SACS: variants seen among roughly 807,000 people sequenced by gnomAD.
The protein encoded by SACS is sacsin.
In SACS, 197 loss-of-function variants were observed where a neutral mutation model predicts 348.0. The ratio of observed to expected loss-of-function variants is 0.57; its 90% CI spans 0.50 to 0.64. The LOEUF (loss-of-function observed/expected upper bound fraction) is 0.64, where lower values mean the gene tolerates loss of function less well. Ranked by LOEUF, SACS falls within the 30% of genes least tolerant of loss-of-function variation. SACS has a pLI of 0.00. For synonymous variants in SACS, 1,985 were observed against 1,910.6 expected (o/e 1.04, Z -1.02); for missense variants, 4,999 against 5,360.8 (o/e 0.93, Z 2.11).
At chr13:23,342,231 A>C (rs1869303749) in intron 9 of SACS, among the ~76,000 whole-genome samples, 1 of 152,260 alleles carries the variant, frequency 6.6e-6, no homozygotes, top group Non-Finnish European at 1.5e-5. Flanking sequence ...TTCTGCCTGG[A>C]AAATGCTTAT....
At chr13:23,397,828 C>T (rs912641990) in intron 2 of SACS, among the ~76,000 whole-genome samples, 14 of 152,170 alleles carry the variant, frequency 9.2e-5, no homozygotes, top group African/African-American at 3.4e-4. Flanking sequence ...ATTCTGAGAA[C>T]ATATGCCCAG....
intron 2 of SACS, among the ~76,000 whole-genome samples, chr13:23,403,109 T>A (rs147491436): frequency 0.011 from 1,321 of 116,056 alleles, 16 homozygotes; most frequent in African/African-American, 0.04. Context: ...ACCCAGAAGG[T>A]GGAGGTTGCA....
chr13:23,387,977 A>T (rs920787922), intron 2 of SACS, among the ~76,000 whole-genome samples: 1 of 152,202 alleles, frequency 6.6e-6, no homozygotes, highest in Non-Finnish European at 1.5e-5. Context: ...GGTGAAAAGG[A>T]ACACTTACAC....
chr13:23,401,654 C>T (rs1872982426), intron 2 of SACS, among the ~76,000 whole-genome samples: 1 of 152,202 alleles, frequency 6.6e-6, no homozygotes, highest in South Asian at 2.1e-4. Flanking sequence ...ACAAAATTTC[C>T]TTGTCAAATA....
chr13:23,338,785 G>C lies in SACS; in HGVS notation c.5091C>G (p.Tyr1697Ter), dbSNP rs1868910034. The C allele has an allele frequency of 6.2e-7, 1 of 1,611,260 alleles. No homozygotes were observed. The highest frequency in any genetic ancestry group is 8.5e-7 in the Non-Finnish European group (1 of 1,179,342). Residue 1697 changes from tyrosine (Y) to a stop codon, truncating the protein, a stop_gained, in exon 10 of 10, where the codon TAC (tyrosine) becomes TAG (stop). Transcript: ENST00000382292. LOFTEE classifies it high-confidence loss of function. ...TGGGGTTGGTTTCCTCAATTTTCAA[G>C]TACTTCAAATACATTGACTTTACAC... ...TQSVKSMYLK[Y>*]LKIEETNPSL... is the part of the protein sequence containing the mutation.
At chr13:23,353,905 A>G in intron 8 of SACS, 29 bp from the exon 9 acceptor site, 1 of 1,200,998 alleles carries the variant, frequency 8.3e-7, no homozygotes, top group South Asian at 1.2e-5. Context: ...AGCAATCATC[A>G]TAATCTTCCC....
At position 23,336,722 on chromosome 13, in the gene SACS, A is replaced by T; in HGVS notation, c.7154T>A (p.Leu2385His). The T allele has an allele frequency of 6.2e-7, 1 of 1,613,886 alleles. No homozygotes were observed. Among genetic ancestry groups the T allele is most frequent in the Non-Finnish European group, 8.5e-7 (1 of 1,179,878 alleles). ...CTGCCTCACACCCACGGTTTCAAAAAGTTCGCGGAAATTATTTTTATACTT... is the reference window on the plus strand; with the variant it reads ...CTGCCTCACACCCACGGTTTCAAAATGTTCGCGGAAATTATTTTTATACTT... Reference protein sequence around the residue: ...PNKYKNNFRELFETVGVRQSC... With the variant: ...PNKYKNNFREHFETVGVRQSC... Residue 2385 changes from leucine to histidine, a missense_variant, in exon 10 of 10, where the codon CTT becomes CAT. Leu to His is a moderately conservative substitution (Grantham distance 99). Coordinates refer to ENST00000382292, the MANE Select transcript of SACS (RefSeq NM_014363.6).
Position 23,334,032 on chromosome 13 carries a change from G to T in SACS, c.9844C>A (p.Pro3282Thr), listed in dbSNP as rs2137580315. The T allele has an allele frequency of 6.2e-7, 1 of 1,613,814 alleles. No individual in the cohort carries two copies. The highest frequency in any genetic ancestry group is 8.5e-7 in the Non-Finnish European group (1 of 1,179,828). Residue 3282 changes from proline (P) to threonine (T), a missense_variant, in exon 10 of 10, where the codon CCA becomes ACA. Physicochemically the swap from Pro to Thr is conservative, Grantham distance 38. Transcript: ENST00000382292. ...GCTGAAACAGTAAACTTTGTTCCTG[G>T]AAGCAATGCCCAGTCTTTTAGAGTA... Reference protein sequence around the residue: ...VDTLKDWALLPGTKFTVSANQ... With the variant: ...VDTLKDWALLTGTKFTVSANQ...
At position 23,333,376 on chromosome 13, in the gene SACS, A is replaced by T. The variant is rs976749171; in HGVS notation, c.10500T>A (p.Leu3500=). Residue 3500 remains leucine (L), a synonymous_variant, in exon 10 of 10, where the codon CTT becomes CTA. Coordinates refer to ENST00000382292, the MANE Select transcript of SACS (RefSeq NM_014363.6). ...CCTCAGCACTTGATAATCTATTCTT[A>T]AGGTAGATCAAGTGCTCTAATTTTG... ...YDAKLEHLIY[L]KNRLSSAEEL... 3 of 1,601,534 alleles carry T rather than the reference A, an allele frequency of 1.9e-6. No individual in the cohort carries two copies. Among genetic ancestry groups the T allele is most frequent in the Non-Finnish European group, 2.6e-6 (3 of 1,175,574 alleles).
At chr13:23,396,145 G>A (rs900293903) in intron 2 of SACS, among the ~76,000 whole-genome samples, 7 of 152,010 alleles carry the variant, frequency 4.6e-5, no homozygotes, top group African/African-American at 1.7e-4. Flanking sequence ...CCAACATGGT[G>A]AAACCGTGTC....
At chr13:23,357,025 G>C (rs1217413287) in intron 7 of SACS, among the ~76,000 whole-genome samples, 1 of 152,210 alleles carries the variant, frequency 6.6e-6, no homozygotes, top group African/African-American at 2.4e-5. Flanking sequence ...GGTGGCTCCT[G>C]ACAAGATAAA....
chr13:23,353,847 A>T lies in SACS; in HGVS notation c.2123T>A (p.Phe708Tyr), dbSNP rs371289720. The T allele has an allele frequency of 5.5e-5, 89 of 1,610,352 alleles. No homozygotes were observed. Among genetic ancestry groups the T allele is most frequent in the Non-Finnish European group, 7.1e-5 (83 of 1,176,814 alleles). Residue 708 changes from phenylalanine (F) to tyrosine (Y), a missense_variant, in exon 9 of 10, where the codon TTT (phenylalanine) becomes TAT (tyrosine). Around this residue, in one of 6 missense-constraint regions of SACS, gnomAD observed 3,156 missense variants for 3,380.1 expected, o/e 0.93. Transcript: ENST00000382292. Reference sequence around the variant, plus strand: ...GTGAGGTTTCAAGTTATCCAAAATAAATCTTCCTTCAAGACTTGGGAAAAG... The same window carrying T: ...GTGAGGTTTCAAGTTATCCAAAATATATCTTCCTTCAAGACTTGGGAAAAG... ...RSLFPSLEGR[F>Y]ILDNLKPHLV...
Position 23,330,261 on chromosome 13 carries a change from G to A in SACS, c.13615C>T (p.Pro4539Ser), listed in dbSNP as rs1555249106. The stretch of plus-strand genomic sequence containing the variant: ...ATCTGAGGAAAGGGAAGCAAATCAG[G>A]GTATCTTGTTTTTAAACTGTCTACA... Reference protein sequence around the residue: ...YGVDSLKTRYPDLLPFPQIPN... With the variant: ...YGVDSLKTRYSDLLPFPQIPN... Residue 4539 changes from proline (P) to serine (S), a missense_variant, in exon 10 of 10, where the codon CCT becomes TCT. Coordinates refer to ENST00000382292, the MANE Select transcript of SACS (RefSeq NM_014363.6). 1.2e-6 allele frequency: 2 copies of A among 1,614,040 alleles called. No individual in the cohort carries two copies. The highest frequency in any genetic ancestry group is 1.7e-6 in the Non-Finnish European group (2 of 1,179,986).
intron 1 of SACS, among the ~76,000 whole-genome samples, chr13:23,413,307 G>A (rs1261185698): frequency 6.6e-6 from 1 of 152,156 alleles, no homozygotes; most frequent in East Asian, 1.9e-4. Context: ...GGTAAGTGGA[G>A]GGACACATGA....
At chr13:23,420,054 G>A (rs999699446) in intron 1 of SACS, among the ~76,000 whole-genome samples, 7 of 152,128 alleles carry the variant, frequency 4.6e-5, no homozygotes, top group African/African-American at 1.7e-4. Context: ...GGGACCTGGT[G>A]TTCACCTAGG....
Position 23,411,345 on chromosome 13 carries a change from A to T in SACS, c.-106T>A, listed in dbSNP as rs1873473383. The T allele has an allele frequency of 9.6e-7, 1 of 1,036,488 alleles. No individual in the cohort carries two copies. Among genetic ancestry groups the T allele is most frequent in the African/African-American group, 1.6e-5 (1 of 64,010 alleles). 64.2% of individuals were successfully genotyped at this position (1,036,488 alleles called of 1,614,324 possible). A position where few individuals can be genotyped will look rare whatever the true frequency, so the allele number is the denominator to read the frequency against. On this transcript the variant is annotated 5_prime_UTR_variant, in exon 2 of 10. Transcript: ENST00000382292. ...TCCTTTAAATGTGTACTCCAAGTTC[A>T]GCTCTTCCTGCCAGGTGGAAAAAAA...
At chr13:23,414,761 T>C (rs1873634570) in intron 1 of SACS, among the ~76,000 whole-genome samples, 1 of 152,224 alleles carries the variant, frequency 6.6e-6, no homozygotes, top group Non-Finnish European at 1.5e-5. Flanking sequence ...TATACTGTTA[T>C]CAATCACATT....
Position 23,329,177 on chromosome 13 carries a change from C to A in SACS, c.*959G>T. On this transcript the variant is annotated 3_prime_UTR_variant, in exon 10 of 10. Coordinates refer to ENST00000382292, the MANE Select transcript of SACS (RefSeq NM_014363.6). ...CCGATAATTATAAACTACTAGATAA[C>A]ACAATGATTTTAACAATTTTTGATG... The A allele has an allele frequency of 2.4e-6, 1 of 423,796 alleles. No homozygotes were observed. Among genetic ancestry groups the A allele is most frequent in the Non-Finnish European group, 4.1e-6 (1 of 243,690 alleles). The allele number at this position is 423,796 out of a possible 1,614,324, so 26.3% of individuals were successfully genotyped here. A position where few individuals can be genotyped will look rare whatever the true frequency, so the allele number is the denominator to read the frequency against.
Position 23,337,380 on chromosome 13 carries a change from G to C in SACS, c.6496C>G (p.Arg2166Gly), listed in dbSNP as rs764516788. The change falls in exon 10 of 10, where the codon CGT (arginine) becomes GGT (glycine). Residue 2166 changes from arginine to glycine, a missense_variant. Around this residue, in one of 6 missense-constraint regions of SACS, gnomAD observed 3,156 missense variants for 3,380.1 expected, o/e 0.93. Transcript: ENST00000382292. ...DDILWDDMLE[R>G]AVSVAEINKS... is the part of the protein sequence containing the mutation. ...TTAATTTCAGCTACTGACACTGCAC[G>C]TTCTAGCATATCATCCCATAAAATA... The C allele has an allele frequency of 6.2e-7, 1 of 1,613,696 alleles. No homozygotes were observed. Among genetic ancestry groups the C allele is most frequent in the African/African-American group, 1.3e-5 (1 of 74,972 alleles).
Sources: allele counts gnomAD v4.1 joint callset (sites outside exome capture counted in the v4.1 genomes callset), GRCh38; gene constraint gnomAD v4.1.1; regional missense constraint gnomAD v4.1.1; transcripts MANE v1.5; gene names NCBI Gene and HGNC (gene_info 2026-07-23, HGNC 2026-07-21).